Variants in OXR1 observed in about 807,000 individuals in gnomAD.
OXR1 encodes the protein oxidation resistance protein 1.
Under a neutral mutation model 104.6 loss-of-function variants are expected in OXR1, and 41 were observed. The ratio of observed to expected loss-of-function variants is 0.39; its 90% confidence interval spans 0.31 to 0.51. The LOEUF is 0.51. Ranked by LOEUF, OXR1 falls within the 20% of genes least tolerant of loss-of-function variation. The pLI is 0.77. For missense variants in OXR1, 955 were observed against 1,031.9 expected (o/e 0.93, Z 1.02); for synonymous variants, 348 against 348.4 (o/e 1.00, Z 0.01).
intron 3 of OXR1, among the ~76,000 whole-genome samples, chr8:106,632,172 G>T (rs1458492491): frequency 6.6e-6 from 1 of 152,128 alleles, no homozygotes; most frequent in Admixed American, 6.5e-5. Context: ...TTAATGAAAG[G>T]TTTAGAGAGA....
chr8:106,284,773 A>G (rs1812423663), intron 1 of OXR1, among the ~76,000 whole-genome samples: 2 of 151,690 alleles, frequency 1.3e-5, no homozygotes, highest in Non-Finnish European at 2.9e-5. Context: ...TAAAGTTTCC[A>G]TTATAAAAAG....
chr8:106,381,253 A>G (rs527748442), intron 2 of OXR1, among the ~76,000 whole-genome samples: 5 of 152,312 alleles, frequency 3.3e-5, no homozygotes, highest in Non-Finnish European at 5.9e-5. Flanking sequence ...AATAAGCAAA[A>G]TGCACTCATC....
chr8:106,309,169 A>G (rs139109973), intron 1 of OXR1, among the ~76,000 whole-genome samples: 1 of 152,090 alleles, frequency 6.6e-6, no homozygotes, highest in Non-Finnish European at 1.5e-5. Flanking sequence ...TTTGGTAGAG[A>G]TGAGCTCTCA....
intron 2 of OXR1, among the ~76,000 whole-genome samples, chr8:106,506,424 T>A (rs559894239): frequency 6.6e-6 from 1 of 152,028 alleles, no homozygotes; most frequent in East Asian, 1.9e-4. Context: ...CAATCCTGGC[T>A]AACATGGTGA....
intron 2 of OXR1, among the ~76,000 whole-genome samples, chr8:106,445,969 C>T (rs1034938996): frequency 6.6e-6 from 1 of 152,162 alleles, no homozygotes; most frequent in East Asian, 1.9e-4. Context: ...CAGGGCCTTA[C>T]AATGTTTTTC....
Position 106,742,081 on chromosome 8 carries a change from T to G in OXR1, c.2317-141T>G, listed in dbSNP as rs1210481399. ...ATGTAAATTATATAGCAGCTAACCA[T>G]TTTTCCCTTTTTAAGTATGATTAGA... On this transcript the variant is annotated intron_variant, in intron 14 of 16. Coordinates refer to ENST00000517566, the MANE Select transcript of OXR1 (RefSeq NM_001198533.2). 9 of 576,034 alleles carry G rather than the reference T, an allele frequency of 1.6e-5. No homozygotes were observed. In the South Asian group the frequency reaches 1.9e-4, roughly 12 times the overall value. 35.7% of individuals were successfully genotyped at this position (576,034 alleles called of 1,614,324 possible).
At chr8:106,558,638 C>G (rs1050924496) in intron 3 of OXR1, among the ~76,000 whole-genome samples, 2 of 152,170 alleles carry the variant, frequency 1.3e-5, no homozygotes, top group South Asian at 4.1e-4. Context: ...CATAAAATAG[C>G]AGAAATCACA....
intron 2 of OXR1, among the ~76,000 whole-genome samples, chr8:106,371,079 G>T (rs758901931): frequency 4.0e-5 from 6 of 151,640 alleles, no homozygotes; most frequent in Non-Finnish European, 5.9e-5. Context: ...CAATTTCACA[G>T]CTTGTTACTG....
intron 3 of OXR1, among the ~76,000 whole-genome samples, chr8:106,667,473 A>G (rs1826465063): frequency 6.6e-6 from 1 of 152,188 alleles, no homozygotes; most frequent in South Asian, 2.1e-4. Context: ...TCTGGATAGT[A>G]TTGAGACCTT....
At chr8:106,538,497 A>G (rs374467512) in intron 3 of OXR1, among the ~76,000 whole-genome samples, 3 of 152,098 alleles carry the variant, frequency 2.0e-5, no homozygotes, top group African/African-American at 7.2e-5. Flanking sequence ...ATCTAGGCTT[A>G]ACTCATTTTC....
intron 1 of OXR1, among the ~76,000 whole-genome samples, chr8:106,274,604 C>A (rs544395019): frequency 1.2e-3 from 159 of 133,208 alleles, no homozygotes; most frequent in Non-Finnish European, 1.8e-3. Context: ...AACGCCACCC[C>A]CCCCCCGACC....
At chr8:106,669,780 A>G (rs1382096365) in intron 3 of OXR1, among the ~76,000 whole-genome samples, 1 of 152,190 alleles carries the variant, frequency 6.6e-6, no homozygotes, top group African/African-American at 2.4e-5. Flanking sequence ...TTTCTACAGC[A>G]TACCTTTCCA....
intron 3 of OXR1, chr8:106,605,103 A>T (rs1294649746): frequency 6.6e-6 from 1 of 152,204 alleles, no homozygotes; most frequent in Admixed American, 6.5e-5. Context: ...TTTAATTTGC[A>T]CTGGGGCAAA....
At chr8:106,452,740 GTTGT>G (rs978875072) in intron 2 of OXR1, among the ~76,000 whole-genome samples, 1 of 151,944 alleles carries the variant, frequency 6.6e-6, no homozygotes, top group African/African-American at 2.4e-5. Context: ...TTTGCTTTTT[GTTGT>G]TTGTTTTGAA....
intron 1 of OXR1, among the ~76,000 whole-genome samples, chr8:106,283,236 T>A (rs1812362846): frequency 1.3e-5 from 2 of 152,232 alleles, no homozygotes; most frequent in South Asian, 4.1e-4. Context: ...GGGCTTTTCC[T>A]ATGTGGAGCA....
chr8:106,714,369 G>A (rs937583102), intron 11 of OXR1, among the ~76,000 whole-genome samples: 1 of 151,972 alleles, frequency 6.6e-6, no homozygotes, highest in African/African-American at 2.4e-5. Flanking sequence ...CCTCCATGGA[G>A]GAGGTACGGC....
rs570554079 is a variant in OXR1, at chr8:106,701,611, T to G, written c.676-1295T>G. 2.0e-5 allele frequency among the ~76,000 whole-genome samples: 3 copies of G among 152,324 alleles called. No individual in the cohort carries two copies. In the East Asian group the frequency reaches 5.8e-4, roughly 29 times the overall value. On this transcript the variant is annotated intron_variant, in intron 7 of 16. Transcript: ENST00000517566. ...CAGGATATATAGTGGACTGAAAATT[T>G]GAAAATGAAATTAAGGAATGTTGCA...
intron 2 of OXR1, among the ~76,000 whole-genome samples, chr8:106,462,337 A>T (rs1324098835): frequency 6.6e-6 from 1 of 152,196 alleles, no homozygotes; most frequent in Non-Finnish European, 1.5e-5. Flanking sequence ...TGTATACATG[A>T]GATATTATGT....
At chr8:106,592,017 ACTGT>A (rs1407056469) in intron 3 of OXR1, among the ~76,000 whole-genome samples, 36 of 152,270 alleles carry the variant, frequency 2.4e-4, no homozygotes, top group African/African-American at 7.7e-4. Flanking sequence ...CAAAATTAAC[ACTGT>A]CTGTCACCCA....
Sources: gnomAD v4.1 joint callset for allele counts (sites outside exome capture counted in the v4.1 genomes callset) on GRCh38, gnomAD v4.1.1 for gene constraint, MANE v1.5 for transcripts, NCBI Gene and HGNC (gene_info 2026-07-23, HGNC 2026-07-21) for gene names.